Variants in FLT3 observed in about 807,000 individuals in gnomAD.
FLT3 encodes the protein fms related receptor tyrosine kinase 3.
Under a neutral mutation model 126.6 loss-of-function variants are expected in FLT3, and 46 were observed. The observed-to-expected ratio is 0.36, with a 90% confidence interval of 0.29 to 0.46. FLT3 has a LOEUF of 0.46. Ranked by LOEUF, FLT3 falls within the 20% of genes least tolerant of loss-of-function variation. FLT3 has a pLI of 1.00. For synonymous variants in FLT3, 404 were observed against 434.4 expected (o/e 0.93, Z 0.87); for missense variants, 1,069 against 1,190.3 (o/e 0.90, Z 1.50).
chr13:28,025,300 G>A (rs1278216176), intron 17 of FLT3: 4 of 406,512 alleles, frequency 9.8e-6, no homozygotes, highest in Non-Finnish European at 1.9e-5. Flanking sequence ...CTCATTCTTT[G>A]GTTTCTGAAC....
At chr13:28,052,704 C>T in intron 4 of FLT3, 30 bp from the exon 5 acceptor site, 1 of 1,481,902 alleles carries the variant, frequency 6.7e-7, no homozygotes, top group African/African-American at 1.4e-5. Flanking sequence ...TAACATTTTA[C>T]TATTTTAAAA....
intron 1 of FLT3, among the ~76,000 whole-genome samples, chr13:28,095,807 T>C (rs1879414566): frequency 1.3e-5 from 2 of 152,128 alleles, no homozygotes; most frequent in Admixed American, 1.3e-4. Context: ...AAGGATGAGA[T>C]GAGAGGAACA....
At position 28,014,524 on chromosome 13, in the gene FLT3, G is replaced by A. The variant is rs1245919491; in HGVS notation, c.2787C>T (p.Asp929=). ...YIIMQSCWAF[D]SRKRPSFPNL... ...TAGGGAAGGATGGCCGTTTCCTTGA[G>A]TCAAAAGCCCAGCAGGATTGCATTA... Residue 929 remains aspartate (D), a synonymous_variant, in exon 23 of 24, where the codon GAC becomes GAT. Coordinates refer to ENST00000241453, the MANE Select transcript of FLT3 (RefSeq NM_004119.3). The A allele has an allele frequency of 5.0e-6, 8 of 1,613,922 alleles. No homozygotes were observed. The highest frequency in any genetic ancestry group is 2.2e-5 in the South Asian group (2 of 91,068).
chr13:28,071,642 C>A (rs1206411297), intron 1 of FLT3, among the ~76,000 whole-genome samples: 2 of 152,042 alleles, frequency 1.3e-5, no homozygotes, highest in Non-Finnish European at 2.9e-5. Flanking sequence ...GTGGCTCAAT[C>A]TCTGTAGGTG....
chr13:28,035,946 G>T lies in FLT3; in HGVS notation c.1407C>A (p.Asp469Glu). ...AATGTCCTTATTACTTGGGAGACTT[G>T]TCTGAACACTTCTTCCAGGTCCAAG... ...LPSWTWKKCS[D>E]KSPNCTEEIT... Residue 469 changes from aspartate (D) to glutamate (E), a missense_variant, in exon 11 of 24, where the codon GAC becomes GAA. Coordinates refer to ENST00000241453, the MANE Select transcript of FLT3 (RefSeq NM_004119.3). 6.2e-7 allele frequency: 1 copy of T among 1,613,014 alleles called. No homozygotes were observed. The highest frequency in any genetic ancestry group is 8.5e-7 in the Non-Finnish European group (1 of 1,178,970).
At chr13:28,098,990 C>G (rs1434720492) in intron 1 of FLT3, among the ~76,000 whole-genome samples, 1 of 152,074 alleles carries the variant, frequency 6.6e-6, no homozygotes, top group African/African-American at 2.4e-5. Context: ...TAGAATTGCT[C>G]TATATCTCAG....
chr13:28,026,352 G>GAAAAAAAAAAAAAAAAAAAA (rs5802460), intron 17 of FLT3, among the ~76,000 whole-genome samples: 1 of 78,938 alleles, frequency 1.3e-5, no homozygotes, highest in Non-Finnish European at 2.4e-5. Context: ...AACTCTGTCT[G>GAAAAAAAAAAAAAAAAAAAA]AAAAAAAAAA....
chr13:28,029,926 G>A (rs563322528), intron 15 of FLT3, among the ~76,000 whole-genome samples: 11 of 152,318 alleles, frequency 7.2e-5, no homozygotes, highest in African/African-American at 2.2e-4. Flanking sequence ...AAGGGCTCCC[G>A]TCATTGCGGC....
At chr13:28,095,832 T>C (rs1879416457) in intron 1 of FLT3, among the ~76,000 whole-genome samples, 2 of 152,084 alleles carry the variant, frequency 1.3e-5, no homozygotes, top group South Asian at 4.1e-4. Flanking sequence ...GAACCGTGGA[T>C]ATGTTGTTGA....
At chr13:28,079,518 A>G (rs1878183403) in intron 1 of FLT3, among the ~76,000 whole-genome samples, 1 of 152,128 alleles carries the variant, frequency 6.6e-6, no homozygotes, top group Admixed American at 6.6e-5. Flanking sequence ...AATTTACTGT[A>G]TTAGTCTGTT....
At chr13:28,079,200 G>C (rs746134993) in intron 1 of FLT3, among the ~76,000 whole-genome samples, 3 of 152,108 alleles carry the variant, frequency 2.0e-5, no homozygotes, top group Non-Finnish European at 4.4e-5. Context: ...AAATCTCTAG[G>C]ACAAGGGCAA....
At chr13:28,011,711 CTCTT>C (rs144531341) in intron 23 of FLT3, among the ~76,000 whole-genome samples, 60,815 of 131,026 alleles carry the variant, frequency 0.46, 13,618 homozygotes, top group South Asian at 0.72. Context: ...TTCTCTTTTT[CTCTT>C]TCTTTCTTTC....
At chr13:28,031,043 G>C (rs539404279) in intron 15 of FLT3, among the ~76,000 whole-genome samples, 5 of 152,072 alleles carry the variant, frequency 3.3e-5, no homozygotes, top group Non-Finnish European at 7.4e-5. Flanking sequence ...TGGCTAACAC[G>C]GTGAAACTCT....
rs188708217 is a variant in FLT3 at position 28,047,147 on chromosome 13, G to A, written c.1205+1128C>T. Among the ~76,000 whole-genome samples the A allele has an allele frequency of 4.6e-5, 7 of 152,184 alleles. No individual in the cohort carries two copies. The East Asian group carries it at 5.8e-4, about 13-fold the overall frequency. ...GCCCCAGTTTTGAGTCAGCATGTCT[G>A]GAATGGGAGCCAGGAATCCACATTT... On this transcript the variant is annotated intron_variant, in intron 9 of 23. Transcript: ENST00000241453.
chr13:28,035,660 T>C lies in FLT3; in HGVS notation c.1432A>G (p.Ile478Val). ...TTTCTATTCCAGACTCCTTCTGTGA[T>C]CTCTTCTGTGCAGCTGAAAAAAAAA... ...SDKSPNCTEEITEGVWNRKAN... is the reference protein window; with the variant it reads ...SDKSPNCTEEVTEGVWNRKAN... The change falls in exon 12 of 24, where the codon ATC becomes GTC. Residue 478 changes from isoleucine to valine, a missense_variant. Transcript: ENST00000241453. The C allele has an allele frequency of 6.2e-7, 1 of 1,613,278 alleles. No homozygotes were observed.
intron 23 of FLT3, among the ~76,000 whole-genome samples, chr13:28,009,854 G>A (rs534486601): frequency 6.6e-6 from 1 of 152,210 alleles, no homozygotes; most frequent in Admixed American, 6.5e-5. Flanking sequence ...CAGCCACCAC[G>A]CTTGGCCTCC....
At chr13:28,030,185 C>T (rs962936061) in intron 15 of FLT3, among the ~76,000 whole-genome samples, 2 of 152,170 alleles carry the variant, frequency 1.3e-5, no homozygotes, top group Admixed American at 1.3e-4. Context: ...TTTGGGCAAG[C>T]TCTCAGGGGT....
intron 4 of FLT3, among the ~76,000 whole-genome samples, chr13:28,055,535 A>C (rs1875926954): frequency 6.6e-6 from 1 of 152,238 alleles, no homozygotes; most frequent in Admixed American, 6.5e-5. Flanking sequence ...GCTGGTGGTT[A>C]ATACTGAGCT....
intron 1 of FLT3, among the ~76,000 whole-genome samples, chr13:28,089,572 T>C (rs1240271302): frequency 6.6e-6 from 1 of 152,028 alleles, no homozygotes; most frequent in Non-Finnish European, 1.5e-5. Context: ...CCTGATCAGA[T>C]AAATCTGATA....
Sources: allele counts gnomAD v4.1 joint callset (sites outside exome capture counted in the v4.1 genomes callset), GRCh38; gene constraint gnomAD v4.1.1; transcripts MANE v1.5; gene names NCBI Gene and HGNC (gene_info 2026-07-23, HGNC 2026-07-21).